DLG2: variants seen among roughly 807,000 people sequenced by gnomAD.
DLG2 encodes the protein discs large MAGUK scaffold protein 2.
Under a neutral mutation model 132.5 loss-of-function variants are expected in DLG2, and 45 were observed. The observed-to-expected ratio is 0.34, with a 90% CI of 0.27 to 0.44. The LOEUF (loss-of-function observed/expected upper bound fraction) is 0.44. Among genes scored for constraint, DLG2 ranks in the 20% least tolerant of loss-of-function variants. The pLI, the probability that DLG2 is intolerant of heterozygous loss-of-function variation, is 1.00. For synonymous variants in DLG2, 424 were observed against 419.6 expected, an observed-to-expected ratio of 1.01 and a Z score of -0.13; for missense variants, 1,045 against 1,196.9, an observed-to-expected ratio of 0.87 and a Z score of 1.87.
chr11:83,831,560 G>GAGAGAAAGGC (rs1332992378), intron 17 of DLG2, among the ~76,000 whole-genome samples: 5 of 152,198 alleles, frequency 3.3e-5, no homozygotes, highest in South Asian at 2.1e-4. Flanking sequence ...GAGAGAAAGA[G>GAGAGAAAGGC]AGAGAGATTT....
At chr11:84,174,005 C>A (rs890207766) in intron 8 of DLG2, among the ~76,000 whole-genome samples, 3 of 117,706 alleles carry the variant, frequency 2.5e-5, no homozygotes, top group East Asian at 2.1e-4. Flanking sequence ...TTTGACTTCA[C>A]CCCCCGGCCT....
At chr11:84,963,879 C>T (rs908635002) in intron 6 of DLG2, among the ~76,000 whole-genome samples, 1 of 152,122 alleles carries the variant, frequency 6.6e-6, no homozygotes, top group East Asian at 1.9e-4. Flanking sequence ...TGACTTTACA[C>T]AGGGGAAACG....
intron 3 of DLG2, among the ~76,000 whole-genome samples, chr11:85,392,453 T>C (rs1247439381): frequency 2.9e-4 from 44 of 150,902 alleles, no homozygotes; most frequent in Admixed American, 2.9e-3. Context: ...TTAAAATTCA[T>C]ATGGAACCAA....
chr11:84,846,049 T>C (rs1027061958), intron 6 of DLG2, among the ~76,000 whole-genome samples: 1 of 152,182 alleles, frequency 6.6e-6, no homozygotes. Context: ...CTTCCTGACC[T>C]TTAAAAGTTG....
intron 19 of DLG2, among the ~76,000 whole-genome samples, chr11:83,554,933 A>T (rs1366823709): frequency 6.6e-6 from 1 of 152,286 alleles, no homozygotes; most frequent in Non-Finnish European, 1.5e-5. Flanking sequence ...AGTGTGAATA[A>T]CAGAAACAAG....
chr11:84,144,090 GC>G (rs915605917), intron 9 of DLG2, among the ~76,000 whole-genome samples: 6 of 152,084 alleles, frequency 3.9e-5, no homozygotes, highest in African/African-American at 1.2e-4. Context: ...GGGGCCCTAT[GC>G]AGTTTCCTAA....
At chr11:84,609,332 T>TA (rs1369485608) in intron 6 of DLG2, among the ~76,000 whole-genome samples, 1 of 152,172 alleles carries the variant, frequency 6.6e-6, no homozygotes, top group Non-Finnish European at 1.5e-5. Flanking sequence ...TATAAAGTAC[T>TA]AAAAACATTA....
chr11:83,724,143 C>T (rs975994867), intron 18 of DLG2, among the ~76,000 whole-genome samples: 2 of 152,158 alleles, frequency 1.3e-5, no homozygotes, highest in Non-Finnish European at 2.9e-5. Flanking sequence ...AATCTTTAAA[C>T]AACCACCAGA....
rs35813381 is a variant in DLG2, at chr11:84,937,384, C to CAA, written c.357+174275_357+174276dup. On this transcript the variant is annotated intron_variant, in intron 6 of 27. Coordinates refer to ENST00000376104, the MANE Select transcript of DLG2 (RefSeq NM_001142699.3). ...AACAAACTGCTAGGTCATACCAGAC[C>CAA]AAAAAAAAAAAAAAAAATCAAATTC... Among the ~76,000 whole-genome samples the CAA allele has an allele frequency of 1.3e-3, 175 of 132,440 alleles. 1 individual carries two copies. The highest frequency in any genetic ancestry group is 3.4e-3 in the South Asian group (14 of 4,172). The allele number at this position is 132,440 out of a possible 152,430, so 86.9% of individuals were successfully genotyped here.
chr11:83,779,041 T>A (rs1037016841), intron 18 of DLG2, among the ~76,000 whole-genome samples: 2 of 151,958 alleles, frequency 1.3e-5, no homozygotes, highest in Admixed American at 1.3e-4. Flanking sequence ...AAATCTAGAG[T>A]CATGTAAAGT....
intron 4 of DLG2, among the ~76,000 whole-genome samples, chr11:85,185,588 T>C (rs186258382): frequency 7.2e-5 from 11 of 151,852 alleles, no homozygotes; most frequent in African/African-American, 2.7e-4. Flanking sequence ...TAAAACCTTT[T>C]CCCAGTGCCA....
At chr11:84,576,921 C>G (rs982305722) in intron 6 of DLG2, among the ~76,000 whole-genome samples, 2 of 152,050 alleles carry the variant, frequency 1.3e-5, no homozygotes, top group Admixed American at 6.6e-5. Context: ...GTGTCTCCAT[C>G]CAAATCTTAA....
chr11:85,477,049 A>G (rs2093164764), intron 3 of DLG2, among the ~76,000 whole-genome samples: 1 of 152,148 alleles, frequency 6.6e-6, no homozygotes, highest in Non-Finnish European at 1.5e-5. Flanking sequence ...ACTGCTCTAC[A>G]ACTTTAGGAA....
At chr11:84,232,536 A>G (rs1412252734) in intron 8 of DLG2, among the ~76,000 whole-genome samples, 1 of 152,200 alleles carries the variant, frequency 6.6e-6, no homozygotes, top group Admixed American at 6.5e-5. Context: ...TCAGATGGGG[A>G]CAATGGGAGA....
rs368449490 is a variant in DLG2 at position 84,293,220 on chromosome 11, C to T, written c.520-41929G>A. Among the ~76,000 whole-genome samples, 63 of 151,922 alleles carry T rather than the reference C, an allele frequency of 4.1e-4. 1 individual carries two copies. In the South Asian group the frequency reaches 0.013, roughly 31 times the overall value. On this transcript the variant is annotated intron_variant, in intron 7 of 27. Coordinates refer to ENST00000376104, the MANE Select transcript of DLG2 (RefSeq NM_001142699.3). ...TTAGGTGGATAGATTTTGTGGTGCA[C>T]TGGAGGCAAAAAGCCAGTTAAAAGG...
intron 6 of DLG2, among the ~76,000 whole-genome samples, chr11:85,058,649 A>G (rs1005393439): frequency 2.0e-5 from 3 of 151,550 alleles, no homozygotes; most frequent in African/African-American, 7.2e-5. Flanking sequence ...TATGTACAGT[A>G]ATTAAGATAG....
At chr11:84,798,597 T>C (rs1341511552) in intron 6 of DLG2, among the ~76,000 whole-genome samples, 1 of 152,170 alleles carries the variant, frequency 6.6e-6, no homozygotes, top group East Asian at 1.9e-4. Flanking sequence ...GCCCAGGGAA[T>C]GTCCAGAAAT....
At chr11:83,723,102 C>G (rs942809752) in intron 18 of DLG2, among the ~76,000 whole-genome samples, 4 of 152,112 alleles carry the variant, frequency 2.6e-5, no homozygotes, top group African/African-American at 9.7e-5. Context: ...ACAAAACGGC[C>G]AGGGGTGGTG....
At chr11:83,512,605 A>G (rs1465360962) in intron 21 of DLG2, among the ~76,000 whole-genome samples, 38 of 152,120 alleles carry the variant, frequency 2.5e-4, no homozygotes. Context: ...ATATGTATAC[A>G]TGTGCCTTGT....
Sources: allele counts gnomAD v4.1 joint callset (sites outside exome capture counted in the v4.1 genomes callset), GRCh38; gene constraint gnomAD v4.1.1; transcripts MANE v1.5; gene names NCBI Gene and HGNC (gene_info 2026-07-23, HGNC 2026-07-21).